The following ESYT2 variants were observed in gnomAD, a reference collection of about 807,000 sequenced individuals.
The protein encoded by ESYT2 is extended synaptotagmin-2.
In ESYT2, 54 loss-of-function variants were observed where a neutral mutation model predicts 107.2. The ratio of observed to expected loss-of-function variants is 0.50; its 90% CI spans 0.40 to 0.63. The LOEUF is 0.63. Ranked by LOEUF, ESYT2 falls within the 30% of genes least tolerant of loss-of-function variation. The probability of loss-of-function intolerance (pLI) is 0.00; values close to 1 mark genes in which losing one functional copy is unlikely to be tolerated. For synonymous variants in ESYT2, 491 were observed against 434.1 expected, an observed-to-expected ratio of 1.13 and a Z score of -1.63; for missense variants, 1,020 against 1,094.5, an observed-to-expected ratio of 0.93 and a Z score of 0.96.
Position 158,734,471 on chromosome 7 carries a change from C to G in ESYT2, c.2506G>C (p.Val836Leu), listed in dbSNP as rs980224415. 2.5e-6 allele frequency: 4 copies of G among 1,613,238 alleles called. No individual in the cohort carries two copies. Residue 836 changes from valine to leucine, a missense_variant and splice_region_variant, in exon 22 of 23, where the codon GTA (valine) becomes CTA (leucine). Val to Leu is a conservative substitution (Grantham distance 32). Coordinates refer to ENST00000275418, the MANE Select transcript of ESYT2 (RefSeq NM_001367773.1). ...TCTTCAGATGCCAGAGCAACCAATA[C>G]CTGTGGGTTGTTAAAAAAGCAGTTA... ...LSKDKGLLGKVLVALASEELA... is the reference protein window; with the variant it reads ...LSKDKGLLGKLLVALASEELA...
intron 6 of ESYT2, among the ~76,000 whole-genome samples, chr7:158,778,733 C>T (rs1210677241): frequency 6.6e-6 from 1 of 152,126 alleles, no homozygotes; most frequent in Non-Finnish European, 1.5e-5. Flanking sequence ...ACCAAGATTC[C>T]GATCCACAGA....
At chr7:158,806,040 G>A (rs770682542) in intron 1 of ESYT2, among the ~76,000 whole-genome samples, 1 of 128,464 alleles carries the variant, frequency 7.8e-6, no homozygotes, top group Non-Finnish European at 1.7e-5. Context: ...GCCTGAAGGA[G>A]GACACTAGCA....
In ESYT2 at chr7:158,734,085, A is replaced by G. The variant is rs2129471052; in HGVS notation, c.*122T>C. On this transcript the variant is annotated 3_prime_UTR_variant, in exon 23 of 23. Coordinates refer to ENST00000275418, the MANE Select transcript of ESYT2 (RefSeq NM_001367773.1). ...GAAATGTCAACAATTTTATAAAACTATTAAGGTATGTATAACTAAATCCAT... is the reference window on the plus strand; with the variant it reads ...GAAATGTCAACAATTTTATAAAACTGTTAAGGTATGTATAACTAAATCCAT... 1.7e-6 allele frequency: 2 copies of G among 1,178,294 alleles called. No homozygotes were observed. The highest frequency in any genetic ancestry group is 2.4e-6 in the Non-Finnish European group (2 of 836,280). 73.0% of individuals were successfully genotyped at this position (1,178,294 alleles called of 1,614,324 possible).
At chr7:158,773,508 C>G in intron 6 of ESYT2, 112 bp from the exon 7 acceptor site, 1 of 944,092 alleles carries the variant, frequency 1.1e-6, no homozygotes, top group Non-Finnish European at 1.6e-6. Flanking sequence ...ACAACACAGA[C>G]CCACACCCTT....
In ESYT2 at chr7:158,733,736, C is replaced by A. The variant is rs1198668407; in HGVS notation, c.*471G>T. ...ATAGGTCACTGAGAACTTTTTGCTG[C>A]CAAGATGAAAATGATTATTTGTCAC... On this transcript the variant is annotated 3_prime_UTR_variant, in exon 23 of 23. Coordinates refer to ENST00000275418, the MANE Select transcript of ESYT2 (RefSeq NM_001367773.1). 1 of 152,504 alleles carries A rather than the reference C, an allele frequency of 6.6e-6. No individual in the cohort carries two copies. 9.4% of individuals were successfully genotyped at this position (152,504 alleles called of 1,614,324 possible).
chr7:158,813,397 T>C (rs1051363241), intron 1 of ESYT2, among the ~76,000 whole-genome samples: 2 of 152,224 alleles, frequency 1.3e-5, no homozygotes, highest in African/African-American at 2.4e-5. Flanking sequence ...TGAGCTGTAC[T>C]GTAAACTGTG....
chr7:158,825,372 A>G (rs1840410234), intron 1 of ESYT2, among the ~76,000 whole-genome samples: 1 of 152,222 alleles, frequency 6.6e-6, no homozygotes, highest in Admixed American at 6.5e-5. Flanking sequence ...TCCAGGGCCC[A>G]TTACCACAGG....
chr7:158,735,745 A>G lies in ESYT2; in HGVS notation c.2400-137T>C. On this transcript the variant is annotated intron_variant, in intron 20 of 22. Transcript: ENST00000275418. The stretch of plus-strand genomic sequence containing the variant: ...ATTATAAAACTGAGTTCTTCTACCT[A>G]ATGTTTTAATCTGGCATTTCAGGAA... 6.5e-6 allele frequency: 5 copies of G among 768,732 alleles called. No homozygotes were observed. The South Asian group carries it at 9.4e-5, about 14-fold the overall frequency. The allele number at this position is 768,732 out of a possible 1,614,324, so 47.6% of individuals were successfully genotyped here. A position where few individuals can be genotyped will look rare whatever the true frequency, so the allele number is the denominator to read the frequency against.
intron 1 of ESYT2, among the ~76,000 whole-genome samples, chr7:158,828,143 A>C (rs1840509680): frequency 6.6e-6 from 1 of 152,252 alleles, no homozygotes; most frequent in Admixed American, 6.5e-5. Context: ...ACAATCTTTC[A>C]ATTATCTAAT....
rs774920869 is a variant in ESYT2, at chr7:158,829,104, G to A, written c.315C>T (p.Cys105=). 1.3e-6 allele frequency: 2 copies of A among 1,581,732 alleles called. No individual in the cohort carries two copies. The highest frequency in any genetic ancestry group is 1.1e-5 in the South Asian group (1 of 89,270). The change falls in exon 1 of 23, where the codon TGC becomes TGT. Residue 105 remains cysteine, a synonymous_variant. Coordinates refer to ENST00000275418, the MANE Select transcript of ESYT2 (RefSeq NM_001367773.1). ...CTGCACTCACCCAGGCGGGCAGGTCGCAGGCGCGCACCCCCAGGCGCACGA... is the reference window on the plus strand; with the variant it reads ...CTGCACTCACCCAGGCGGGCAGGTCACAGGCGCGCACCCCCAGGCGCACGA... ...ERVVRLGVRA[C]DLPAWVHFPD...
rs113273560 is a variant in ESYT2, at chr7:158,759,290, T to C, written c.1419+196A>G. 5.1e-3 allele frequency among the ~76,000 whole-genome samples: 775 copies of C among 152,346 alleles called. 4 individuals are homozygous for C. The highest frequency in any genetic ancestry group is 0.018 in the African/African-American group (744 of 41,578). On this transcript the variant is annotated intron_variant, in intron 13 of 22. Transcript: ENST00000275418. ...TACTGCACAAATCCAGCTAAATGTG[T>C]AAACAGAAATGTATGCACTCCCAGA...
At chr7:158,767,835 C>A in intron 7 of ESYT2, 61 bp from the exon 8 acceptor site, 1 of 1,558,148 alleles carries the variant, frequency 6.4e-7, no homozygotes. Flanking sequence ...CTTCTCTCAC[C>A]TTTGACAACA....
intron 6 of ESYT2, among the ~76,000 whole-genome samples, chr7:158,782,275 A>G (rs1233839988): frequency 9.3e-6 from 1 of 107,328 alleles, no homozygotes; most frequent in Non-Finnish European, 2.1e-5. Context: ...GTGTGAGAAC[A>G]AAATGTGAGA....
intron 6 of ESYT2, among the ~76,000 whole-genome samples, chr7:158,778,586 T>C (rs940934716): frequency 2.6e-5 from 4 of 152,168 alleles, no homozygotes; most frequent in Middle Eastern, 3.2e-3. Context: ...TATTATTCCA[T>C]GTGGCAATCT....
intron 10 of ESYT2, among the ~76,000 whole-genome samples, chr7:158,762,180 T>C (rs1837993356): frequency 6.6e-6 from 1 of 152,084 alleles, no homozygotes; most frequent in African/African-American, 2.4e-5. Context: ...GATGGGATGA[T>C]TATACTCCCA....
At chr7:158,810,506 G>A (rs576095594) in intron 1 of ESYT2, among the ~76,000 whole-genome samples, 71 of 152,210 alleles carry the variant, frequency 4.7e-4, no homozygotes, top group Non-Finnish European at 7.9e-4. Context: ...ACACAGTGAA[G>A]CCCCATCTCT....
At chr7:158,812,391 A>C (rs1468772304) in intron 1 of ESYT2, among the ~76,000 whole-genome samples, 1 of 152,222 alleles carries the variant, frequency 6.6e-6, no homozygotes, top group Non-Finnish European at 1.5e-5. Context: ...GGGAGATGTA[A>C]GTCAGAGCCA....
intron 14 of ESYT2, among the ~76,000 whole-genome samples, chr7:158,750,509 G>C (rs1837548204): frequency 2.0e-5 from 3 of 152,116 alleles, no homozygotes; most frequent in African/African-American, 7.2e-5. Flanking sequence ...AATAATTTTA[G>C]AGTCAAGACT....
intron 6 of ESYT2, among the ~76,000 whole-genome samples, chr7:158,778,173 A>G (rs1331608531): frequency 1.3e-5 from 2 of 152,246 alleles, no homozygotes; most frequent in East Asian, 3.8e-4. Flanking sequence ...GTTTTGGGAA[A>G]CAGAATTAAC....
Sources: gnomAD v4.1 joint callset for allele counts (sites outside exome capture counted in the v4.1 genomes callset) on GRCh38, gnomAD v4.1.1 for gene constraint, MANE v1.5 for transcripts, NCBI Gene and HGNC (gene_info 2026-07-23, HGNC 2026-07-21) for gene names.